The following NRXN1 variants were observed in gnomAD, a reference collection of about 807,000 sequenced individuals.
The protein encoded by NRXN1 is neurexin 1.
In NRXN1, 39 loss-of-function variants were observed where a neutral mutation model predicts 150.9. The ratio of observed to expected loss-of-function variants is 0.26; its 90% CI spans 0.20 to 0.34. The LOEUF is 0.34. NRXN1 is among the 10% of genes least tolerant of loss of function. The pLI is 1.00. For synonymous variants in NRXN1, 924 were observed against 757.0 expected (o/e 1.22, Z -3.62); for missense variants, 1,815 against 1,949.9 (o/e 0.93, Z 1.30).
At chr2:51,016,896 C>T (rs1321743833) in intron 2 of NRXN1, among the ~76,000 whole-genome samples, 1 of 152,070 alleles carries the variant, frequency 6.6e-6, no homozygotes, top group Non-Finnish European at 1.5e-5. Flanking sequence ...AAATGTGGCA[C>T]ATATATACCA....
In NRXN1 at chr2:50,206,228, TACACACACACACAC is replaced by T. The variant is rs66795755; in HGVS notation, c.3546+30547_3546+30560del. The stretch of plus-strand genomic sequence containing the variant: ...TAAGTTATACATGCATACACACAAA[TACACACACACACAC>T]ACACACACACACACACACACAACAA... On this transcript the variant is annotated intron_variant, in intron 18 of 22. Transcript: ENST00000401669. Among the ~76,000 whole-genome samples the T allele has an allele frequency of 5.7e-3, 603 of 106,426 alleles. 6 individuals carry two copies. The highest frequency in any genetic ancestry group is 0.017 in the African/African-American group (560 of 33,752). 69.8% of individuals were successfully genotyped at this position (106,426 alleles called of 152,430 possible). A position where few individuals can be genotyped will look rare whatever the true frequency, so the allele number is the denominator to read the frequency against.
intron 5 of NRXN1, among the ~76,000 whole-genome samples, chr2:50,856,941 G>A (rs1325915993): frequency 6.6e-6 from 1 of 151,960 alleles, no homozygotes; most frequent in Non-Finnish European, 1.5e-5. Context: ...CACAGTAATT[G>A]TCATATCCAG....
chr2:50,853,954 CTG>C (rs561172489), intron 5 of NRXN1, among the ~76,000 whole-genome samples: 17 of 152,180 alleles, frequency 1.1e-4, no homozygotes, highest in Middle Eastern at 3.4e-3. Flanking sequence ...TTTATTCACA[CTG>C]TGTGTTTCCC....
At chr2:50,082,956 CAT>C (rs1483035479) in intron 19 of NRXN1, among the ~76,000 whole-genome samples, 1 of 152,030 alleles carries the variant, frequency 6.6e-6, no homozygotes, top group Non-Finnish European at 1.5e-5. Context: ...CAGCAATAAA[CAT>C]TTAATAATGC....
At chr2:50,037,966 T>C (rs1480809782) in intron 21 of NRXN1, among the ~76,000 whole-genome samples, 1 of 152,168 alleles carries the variant, frequency 6.6e-6, no homozygotes, top group Non-Finnish European at 1.5e-5. Context: ...AGCCTTCTCA[T>C]CTGTCATTTG....
chr2:50,921,778 C>T, intron 5 of NRXN1, 91 bp downstream of exon 5: 1 of 526,810 alleles, frequency 1.9e-6, no homozygotes, highest in Non-Finnish European at 3.2e-6. Context: ...GTGCCCATTA[C>T]CAATGCCAAA....
chr2:50,329,655 A>T (rs1311415241), intron 17 of NRXN1, among the ~76,000 whole-genome samples: 178 of 13,032 alleles, frequency 0.014, 9 homozygotes, highest in African/African-American at 0.068. Context: ...ATATATATAT[A>T]TATATATATA....
intron 5 of NRXN1, among the ~76,000 whole-genome samples, chr2:50,630,559 G>T (rs1317412577): frequency 2.6e-5 from 4 of 151,648 alleles, no homozygotes. Context: ...GATGCCTGCG[G>T]GCAGAACGAA....
chr2:50,896,390 G>T (rs1323618124), intron 5 of NRXN1, among the ~76,000 whole-genome samples: 1 of 152,150 alleles, frequency 6.6e-6, no homozygotes, highest in Admixed American at 6.6e-5. Flanking sequence ...CCCTTGTGGG[G>T]CTTATACTCT....
intron 22 of NRXN1, among the ~76,000 whole-genome samples, chr2:49,937,080 A>G (rs62132436): frequency 0.14 from 21,955 of 152,140 alleles, 2,025 homozygotes; most frequent in East Asian, 0.23. Flanking sequence ...TCTTCGTAAT[A>G]TAAACATCAG....
At chr2:50,401,848 T>A (rs538189643) in intron 17 of NRXN1, among the ~76,000 whole-genome samples, 74 of 152,300 alleles carry the variant, frequency 4.9e-4, no homozygotes, top group Non-Finnish European at 9.0e-4. Flanking sequence ...AATATCTTGC[T>A]ATATTCAAAG....
At chr2:50,770,157 T>C (rs552242748) in intron 5 of NRXN1, among the ~76,000 whole-genome samples, 1 of 152,064 alleles carries the variant, frequency 6.6e-6, no homozygotes, top group Non-Finnish European at 1.5e-5. Context: ...TATAATAATA[T>C]TGCAGAAGTT....
At chr2:50,513,481 C>T (rs1489853698) in intron 12 of NRXN1, among the ~76,000 whole-genome samples, 1 of 152,088 alleles carries the variant, frequency 6.6e-6, no homozygotes, top group East Asian at 1.9e-4. Flanking sequence ...AATTCCTAAG[C>T]ATTCACCCTG....
intron 5 of NRXN1, among the ~76,000 whole-genome samples, chr2:50,810,786 C>A (rs1668107557): frequency 6.6e-6 from 1 of 152,082 alleles, no homozygotes; most frequent in South Asian, 2.1e-4. Context: ...TGAAGACCAT[C>A]CTGGCCAACA....
intron 5 of NRXN1, among the ~76,000 whole-genome samples, chr2:50,691,058 G>A (rs1692001638): frequency 6.6e-6 from 1 of 152,084 alleles, no homozygotes; most frequent in Admixed American, 6.6e-5. Flanking sequence ...TACTCCAAAA[G>A]TTAATGACTG....
chr2:50,421,140 A>G (rs2083963772), intron 17 of NRXN1, among the ~76,000 whole-genome samples: 1 of 151,616 alleles, frequency 6.6e-6, no homozygotes, highest in African/African-American at 2.4e-5. Flanking sequence ...TTTTCCGGGT[A>G]TTTTTCATGT....
chr2:50,573,017 T>G (rs1465109143), intron 8 of NRXN1, among the ~76,000 whole-genome samples: 1 of 152,202 alleles, frequency 6.6e-6, no homozygotes, highest in Non-Finnish European at 1.5e-5. Context: ...GAAATACAAT[T>G]GGATAATATG....
At chr2:49,980,871 G>A (rs1452241069) in intron 21 of NRXN1, among the ~76,000 whole-genome samples, 1 of 152,054 alleles carries the variant, frequency 6.6e-6, no homozygotes, top group Non-Finnish European at 1.5e-5. Flanking sequence ...TATAAGATGA[G>A]AACCTACTGA....
At chr2:50,631,072 A>G (rs775979495) in intron 5 of NRXN1, 1 of 447,708 alleles carries the variant, frequency 2.2e-6, no homozygotes, top group Non-Finnish European at 4.6e-6. Flanking sequence ...TAAAACAATA[A>G]ATTGATTATT....
Sources: allele counts gnomAD v4.1 joint callset (sites outside exome capture counted in the v4.1 genomes callset), GRCh38; gene constraint gnomAD v4.1.1; transcripts MANE v1.5; gene names NCBI Gene and HGNC (gene_info 2026-07-23, HGNC 2026-07-21).